Variants in SNCAIP observed in about 807,000 individuals in gnomAD.
The protein encoded by SNCAIP is synphilin-1.
SNCAIP carries 43 observed loss-of-function variants against 86.7 expected under a neutral mutation model. The ratio of observed to expected loss-of-function variants is 0.50; its 90% confidence interval spans 0.39 to 0.64. SNCAIP has a LOEUF of 0.64. Ranked by LOEUF, SNCAIP falls within the 30% of genes least tolerant of loss-of-function variation. The pLI is 0.00. For synonymous variants in SNCAIP, 417 were observed against 427.2 expected (o/e 0.98, Z 0.29); for missense variants, 981 against 1,103.1 (o/e 0.89, Z 1.57).
intron 1 of SNCAIP, among the ~76,000 whole-genome samples, chr5:122,364,844 A>T (rs1248115170): frequency 1.3e-5 from 2 of 152,158 alleles, no homozygotes; most frequent in African/African-American, 4.8e-5. Context: ...TAGGCAAGTC[A>T]CTGGGCCCTT....
chr5:122,389,129 T>C (rs1198530599), intron 1 of SNCAIP: 1 of 152,228 alleles, frequency 6.6e-6, no homozygotes, highest in Non-Finnish European at 1.5e-5. Context: ...CTGTCTATAT[T>C]GTTGGAGCAC....
upstream of SNCAIP, chr5:122,312,215 C>G (rs1437394182): frequency 6.6e-6 from 1 of 151,522 alleles, no homozygotes; most frequent in African/African-American, 2.4e-5. Flanking sequence ...CTGCTCCTGC[C>G]GCTGCGGTCC....
At chr5:122,445,645 TACACACACACACAC>T (rs55968414) in intron 8 of SNCAIP, among the ~76,000 whole-genome samples, 1 of 143,098 alleles carries the variant, frequency 7.0e-6, no homozygotes. Context: ...CTTTAAGTTT[TACACACACACACAC>T]ACACACACAC....
intron 1 of SNCAIP, among the ~76,000 whole-genome samples, chr5:122,359,670 A>G (rs577729682): frequency 1.3e-5 from 2 of 152,202 alleles, no homozygotes; most frequent in South Asian, 2.1e-4. Flanking sequence ...TGGCCACAAC[A>G]TGAAATTTTG....
At chr5:122,385,165 A>G (rs976223200) in intron 1 of SNCAIP, among the ~76,000 whole-genome samples, 1 of 152,180 alleles carries the variant, frequency 6.6e-6, no homozygotes, top group Non-Finnish European at 1.5e-5. Context: ...GGCGAGCATC[A>G]CATGATATTG....
chr5:122,359,023 T>G (rs1445669724), intron 1 of SNCAIP, among the ~76,000 whole-genome samples: 1 of 135,720 alleles, frequency 7.4e-6, no homozygotes, highest in African/African-American at 2.8e-5. Context: ...AATCTAATGT[T>G]TTAAATTATA....
chr5:122,452,967 A>T (rs1424009250), intron 10 of SNCAIP: 1 of 1,548,666 alleles, frequency 6.5e-7, no homozygotes, highest in Non-Finnish European at 8.7e-7. Flanking sequence ...TAACATGCTG[A>T]TTGAAGAGCA....
intron 1 of SNCAIP, among the ~76,000 whole-genome samples, chr5:122,359,349 T>TTTTATTTATTTAATTA (rs1761749315): frequency 2.8e-5 from 4 of 142,238 alleles, no homozygotes; most frequent in Admixed American, 1.4e-4. Context: ...AGATTTTTAT[T>TTTTATTTATTTAATTA]TTTATTTATT....
chr5:122,441,760 G>A (rs1780983671), intron 7 of SNCAIP, among the ~76,000 whole-genome samples: 1 of 152,130 alleles, frequency 6.6e-6, no homozygotes, highest in African/African-American at 2.4e-5. Context: ...AGCAAAAAGA[G>A]GGGATAGCTG....
chr5:122,360,908 G>GA (rs978321589), intron 1 of SNCAIP, among the ~76,000 whole-genome samples: 4 of 151,618 alleles, frequency 2.6e-5, no homozygotes, highest in African/African-American at 9.7e-5. Context: ...GAGATGAGGG[G>GA]AAAAACACAC....
chr5:122,322,620 T>C (rs1036852641), intron 1 of SNCAIP, among the ~76,000 whole-genome samples: 7 of 152,206 alleles, frequency 4.6e-5, no homozygotes, highest in Non-Finnish European at 8.8e-5. Flanking sequence ...AATCCTGCTG[T>C]CACACACTAT....
At chr5:122,320,156 TCTC>T (rs35352164) in intron 1 of SNCAIP, among the ~76,000 whole-genome samples, 4,008 of 152,308 alleles carry the variant, frequency 0.026, 74 homozygotes, top group Non-Finnish European at 0.034. Context: ...CTCACCTCAC[TCTC>T]CTCCTTCACC....
rs188421386 is a variant in SNCAIP at position 122,443,924 on chromosome 5, C to G, written c.1423-639C>G. Among the ~76,000 whole-genome samples, 263 of 152,222 alleles carry G rather than the reference C, an allele frequency of 1.7e-3. 1 individual carries two copies. The highest frequency in any genetic ancestry group is 5.4e-3 in the African/African-American group (224 of 41,522). ...GGGGCAGCCTATTGCCAATTGTAGC[C>G]ATAGAACCCTCTCCTCATTAAAGAG... On this transcript the variant is annotated intron_variant, in intron 7 of 10. Coordinates refer to ENST00000261368, the MANE Select transcript of SNCAIP (RefSeq NM_005460.4).
Position 122,403,815 on chromosome 5 carries a change from C to A in SNCAIP, c.80C>A (p.Thr27Lys), listed in dbSNP as rs745604269. ...CAGTATTCAGTCACATCACTCAAGA[C>A]GATCCCAGAACTGTGCCGAAGATGT... ...DISYSVTSLK[T>K]IPELCRRCDT... The change falls in exon 3 of 11, where the codon ACG becomes AAG. Residue 27 changes from threonine (T) to lysine (K), a missense_variant. Coordinates refer to ENST00000261368, the MANE Select transcript of SNCAIP (RefSeq NM_005460.4). 1 of 1,613,630 alleles carries A rather than the reference C, an allele frequency of 6.2e-7. No individual in the cohort carries two copies. The highest frequency in any genetic ancestry group is 8.5e-7 in the Non-Finnish European group (1 of 1,179,724).
intron 1 of SNCAIP, among the ~76,000 whole-genome samples, chr5:122,365,136 A>G (rs979244905): frequency 3.5e-4 from 53 of 151,604 alleles, no homozygotes; most frequent in African/African-American, 1.2e-3. Context: ...CATTTAGCTT[A>G]TTTACTCCTG....
At chr5:122,403,688 T>A in intron 2 of SNCAIP, 105 bp from the exon 3 acceptor site, 1 of 908,992 alleles carries the variant, frequency 1.1e-6, no homozygotes. Context: ...AATATACATG[T>A]TGTGCCCAAG....
chr5:122,348,686 G>T (rs1228957954), intron 1 of SNCAIP, among the ~76,000 whole-genome samples: 1 of 152,102 alleles, frequency 6.6e-6, no homozygotes, highest in Non-Finnish European at 1.5e-5. Flanking sequence ...ATTGACAAAT[G>T]AGAAGCCAGC....
chr5:122,461,669 GTT>G (rs55705552), intron 10 of SNCAIP, among the ~76,000 whole-genome samples: 11 of 133,298 alleles, frequency 8.3e-5, no homozygotes, highest in African/African-American at 2.2e-4. Context: ...TTTTATAGCT[GTT>G]TTTTTTTTTT....
chr5:122,366,917 C>T (rs776807079), intron 1 of SNCAIP, among the ~76,000 whole-genome samples: 17 of 152,056 alleles, frequency 1.1e-4, no homozygotes, highest in Admixed American at 6.6e-4. Flanking sequence ...TATTTGCCTT[C>T]GTCTTGTCCT....
Sources: allele counts gnomAD v4.1 joint callset (sites outside exome capture counted in the v4.1 genomes callset), GRCh38; gene constraint gnomAD v4.1.1; transcripts MANE v1.5; gene names NCBI Gene and HGNC (gene_info 2026-07-23, HGNC 2026-07-21).